GRB2: variants seen among roughly 807,000 people sequenced by gnomAD.
GRB2 encodes the protein growth factor receptor-bound protein 2.
Under a neutral mutation model 27.4 loss-of-function variants are expected in GRB2, and 2 were observed. The ratio of observed to expected loss-of-function variants is 0.07; its 90% CI spans 0.03 to 0.23. The LOEUF is 0.23. GRB2 is among the 10% of genes least tolerant of loss of function. The pLI, the probability that GRB2 is intolerant of heterozygous loss-of-function variation, is 1.00. For synonymous variants in GRB2, 94 were observed against 99.6 expected, an observed-to-expected ratio of 0.94 and a Z score of 0.33; for missense variants, 102 against 282.4, an observed-to-expected ratio of 0.36 and a Z score of 4.58.
At chr17:75,390,174 G>A (rs1219048872) in intron 2 of GRB2, among the ~76,000 whole-genome samples, 1 of 152,202 alleles carries the variant, frequency 6.6e-6, no homozygotes, top group Non-Finnish European at 1.5e-5. Context: ...GTTAGTGCCA[G>A]AGAGGGTAGA....
intron 2 of GRB2, among the ~76,000 whole-genome samples, chr17:75,337,746 A>C (rs2078587881): frequency 1.3e-5 from 2 of 149,032 alleles, no homozygotes; most frequent in Non-Finnish European, 3.0e-5. Flanking sequence ...AATTTTTTAT[A>C]TTTTTAGTAG....
At chr17:75,332,893 A>C in intron 2 of GRB2, 96 bp from the exon 3 acceptor site, 1 of 751,544 alleles carries the variant, frequency 1.3e-6, no homozygotes, top group Non-Finnish European at 2.2e-6. Flanking sequence ...AGGTCTGTGA[A>C]CGGTTTCACT....
intron 2 of GRB2, among the ~76,000 whole-genome samples, chr17:75,389,755 G>A (rs1378275551): frequency 6.6e-6 from 1 of 152,176 alleles, no homozygotes; most frequent in Non-Finnish European, 1.5e-5. Flanking sequence ...TGAGGCAGGA[G>A]AATGGCGTGA....
chr17:75,399,398 C>T (rs1323286389), intron 1 of GRB2, among the ~76,000 whole-genome samples: 17 of 139,948 alleles, frequency 1.2e-4, no homozygotes, highest in Non-Finnish European at 2.1e-4. Context: ...GATGGAGTCT[C>T]GCTTTGTCAC....
At chr17:75,384,826 T>TA (rs1174102189) in intron 2 of GRB2, among the ~76,000 whole-genome samples, 5 of 151,276 alleles carry the variant, frequency 3.3e-5, no homozygotes, top group East Asian at 1.9e-4. Context: ...ATGTATATGA[T>TA]AAAAAAAGAG....
intron 2 of GRB2, among the ~76,000 whole-genome samples, chr17:75,344,190 CCT>C (rs1377517667): frequency 6.6e-6 from 1 of 152,022 alleles, no homozygotes; most frequent in East Asian, 1.9e-4. Context: ...TTGGTTATTC[CCT>C]GTCTGCATCT....
chr17:75,390,264 G>C (rs2078990066), intron 2 of GRB2, among the ~76,000 whole-genome samples: 2 of 152,242 alleles, frequency 1.3e-5, no homozygotes, highest in Admixed American at 1.3e-4. Flanking sequence ...AATGAGCACA[G>C]ATCTGAGAGC....
intron 2 of GRB2, among the ~76,000 whole-genome samples, chr17:75,380,177 T>C (rs1157654430): frequency 1.3e-5 from 2 of 152,184 alleles, no homozygotes; most frequent in Non-Finnish European, 2.9e-5. Context: ...AGAGTTTTAA[T>C]AGGAAACAAA....
intron 2 of GRB2, among the ~76,000 whole-genome samples, chr17:75,335,538 ATTAATGACTACGC>A (rs2078571455): frequency 6.6e-6 from 1 of 152,236 alleles, no homozygotes; most frequent in Non-Finnish European, 1.5e-5. Context: ...GCCAGGCTGC[ATTAATGACTACGC>A]TTTCTTAACA....
At chr17:75,387,972 G>C (rs1049491717) in intron 2 of GRB2, among the ~76,000 whole-genome samples, 1 of 152,072 alleles carries the variant, frequency 6.6e-6, no homozygotes, top group Non-Finnish European at 1.5e-5. Context: ...TCTTTTATAG[G>C]AAATGAAAGT....
At chr17:75,360,928 CA>C (rs2078776702) in intron 2 of GRB2, among the ~76,000 whole-genome samples, 1 of 151,596 alleles carries the variant, frequency 6.6e-6, no homozygotes, top group Admixed American at 6.6e-5. Flanking sequence ...CTGCCACGCC[CA>C]GCTAATTTTA....
At chr17:75,355,897 C>T (rs1174620294) in intron 2 of GRB2, among the ~76,000 whole-genome samples, 1 of 143,192 alleles carries the variant, frequency 7.0e-6, no homozygotes, top group Non-Finnish European at 1.5e-5. Flanking sequence ...GTGGCGTGAT[C>T]TCGGCTTACT....
chr17:75,348,493 C>T (rs2078668384), intron 2 of GRB2, among the ~76,000 whole-genome samples: 1 of 152,160 alleles, frequency 6.6e-6, no homozygotes, highest in Non-Finnish European at 1.5e-5. Context: ...GTCTACTACA[C>T]TGAAAGCATT....
At chr17:75,331,940 C>T (rs142964021) in intron 3 of GRB2, among the ~76,000 whole-genome samples, 2 of 152,282 alleles carry the variant, frequency 1.3e-5, no homozygotes, top group East Asian at 1.9e-4. Flanking sequence ...TGAAAGTCTC[C>T]GCCACCAGCT....
chr17:75,400,497 CAG>C (rs538675439), intron 1 of GRB2, among the ~76,000 whole-genome samples: 8 of 151,904 alleles, frequency 5.3e-5, no homozygotes, highest in African/African-American at 1.9e-4. Context: ...CTTTCTGAGA[CAG>C]AGTCTCGCTC....
chr17:75,364,301 A>G (rs547339759), intron 2 of GRB2, among the ~76,000 whole-genome samples: 70 of 152,316 alleles, frequency 4.6e-4, no homozygotes, highest in African/African-American at 1.6e-3. Context: ...GACACTCAAC[A>G]TGTTTGAGAA....
chr17:75,343,048 T>TAAAAAAAAAAAA (rs1687460771), intron 2 of GRB2, among the ~76,000 whole-genome samples: 1 of 3,764 alleles, frequency 2.7e-4, no homozygotes, highest in African/African-American at 5.6e-4. Context: ...AAACCTTGTC[T>TAAAAAAAAAAAA]CAAAAAAAAA....
intron 2 of GRB2, among the ~76,000 whole-genome samples, chr17:75,359,641 G>A (rs1202643918): frequency 1.3e-5 from 2 of 152,002 alleles, no homozygotes; most frequent in East Asian, 3.9e-4. Flanking sequence ...GTCATCTCCT[G>A]CCTTCCTGCC....
At chr17:75,377,322 T>C (rs918830518) in intron 2 of GRB2, among the ~76,000 whole-genome samples, 3 of 151,778 alleles carry the variant, frequency 2.0e-5, no homozygotes, top group African/African-American at 7.3e-5. Flanking sequence ...ACCCCATGTT[T>C]ATTGCAAACA....
Sources: gnomAD v4.1 joint callset for allele counts (sites outside exome capture counted in the v4.1 genomes callset) on GRCh38, gnomAD v4.1.1 for gene constraint, MANE v1.5 for transcripts, NCBI Gene and HGNC (gene_info 2026-07-23, HGNC 2026-07-21) for gene names.